PREX1: variants seen among roughly 807,000 people sequenced by gnomAD.
The protein encoded by PREX1 is phosphatidylinositol-3,4,5-trisphosphate dependent Rac exchange factor 1.
Under a neutral mutation model 198.3 loss-of-function variants are expected in PREX1, and 41 were observed. That is an observed-to-expected ratio of 0.21 (90% CI 0.16 to 0.27). PREX1 has a LOEUF of 0.27. Among genes scored for constraint, PREX1 ranks in the 10% least tolerant of loss-of-function variants. The probability of loss-of-function intolerance (pLI) is 1.00; values close to 1 mark genes in which losing one functional copy is unlikely to be tolerated. For missense variants in PREX1, 1,620 were observed against 2,200.7 expected, an observed-to-expected ratio of 0.74 and a Z score of 5.28; for synonymous variants, 843 against 887.2, an observed-to-expected ratio of 0.95 and a Z score of 0.89.
intron 10 of PREX1, among the ~76,000 whole-genome samples, chr20:48,686,031 C>G (rs2089781988): frequency 1.3e-5 from 2 of 152,158 alleles, no homozygotes; most frequent in Non-Finnish European, 2.9e-5. Context: ...AGGCAAAGTA[C>G]AGTGGGAGAC....
At chr20:48,798,756 C>A (rs975802977) in intron 1 of PREX1, among the ~76,000 whole-genome samples, 3 of 152,206 alleles carry the variant, frequency 2.0e-5, no homozygotes, top group African/African-American at 7.2e-5. Flanking sequence ...GCAGTAGGTG[C>A]TCAACAAAAT....
At chr20:48,695,170 C>G (rs2089839060) in intron 7 of PREX1, among the ~76,000 whole-genome samples, 1 of 152,214 alleles carries the variant, frequency 6.6e-6, no homozygotes, top group Non-Finnish European at 1.5e-5. Flanking sequence ...CATCACTGCC[C>G]TCTTCCCCTG....
chr20:48,717,475 C>G (rs564581570), intron 5 of PREX1, among the ~76,000 whole-genome samples: 1 of 146,246 alleles, frequency 6.8e-6, no homozygotes, highest in African/African-American at 2.6e-5. Flanking sequence ...TGAAGAGGTG[C>G]TAAGGATACC....
At chr20:48,768,476 C>A (rs543238703) in intron 1 of PREX1, among the ~76,000 whole-genome samples, 39 of 152,134 alleles carry the variant, frequency 2.6e-4, no homozygotes, top group Non-Finnish European at 5.1e-4. Context: ...CTGGCAAGAC[C>A]CTTCTTTGAT....
At chr20:48,649,780 C>G (rs546371282) in intron 24 of PREX1, among the ~76,000 whole-genome samples, 1 of 152,346 alleles carries the variant, frequency 6.6e-6, no homozygotes, top group East Asian at 1.9e-4. Flanking sequence ...TCTTTTCCTG[C>G]CTGCAATGCA....
chr20:48,702,579 G>A (rs2089880996), intron 6 of PREX1, among the ~76,000 whole-genome samples: 1 of 152,228 alleles, frequency 6.6e-6, no homozygotes, highest in African/African-American at 2.4e-5. Flanking sequence ...GAAAGAAAAT[G>A]GCTTTCCTCC....
intron 1 of PREX1, among the ~76,000 whole-genome samples, chr20:48,760,029 T>C (rs1175807037): frequency 6.6e-6 from 1 of 151,914 alleles, no homozygotes; most frequent in Non-Finnish European, 1.5e-5. Context: ...AGAGCATCAC[T>C]TCAGCCTAGG....
chr20:48,715,941 G>T (rs1350251665), intron 5 of PREX1, among the ~76,000 whole-genome samples: 3 of 152,106 alleles, frequency 2.0e-5, no homozygotes, highest in African/African-American at 7.2e-5. Flanking sequence ...CTTGCCCAAG[G>T]CCACAGAGAC....
chr20:48,784,708 G>A (rs1017259703), intron 1 of PREX1, among the ~76,000 whole-genome samples: 16 of 152,140 alleles, frequency 1.1e-4, no homozygotes, highest in Non-Finnish European at 2.2e-4. Flanking sequence ...AAGGCAAGTG[G>A]GCGACTGGGC....
At chr20:48,650,854 G>T (rs368790887) in intron 23 of PREX1, 40 bp downstream of exon 23, 4 of 1,607,928 alleles carry the variant, frequency 2.5e-6, no homozygotes. Flanking sequence ...TGCTATGTCT[G>T]GGACCTGTGG....
intron 18 of PREX1, among the ~76,000 whole-genome samples, chr20:48,656,681 T>A (rs1219368594): frequency 6.6e-6 from 1 of 152,146 alleles, no homozygotes; most frequent in Non-Finnish European, 1.5e-5. Flanking sequence ...CTCTGGCCCC[T>A]TTCCCGGGTT....
rs977502108 is a variant in PREX1 at position 48,624,360 on chromosome 20, C to G, written c.*1525G>C. 7.2e-5 allele frequency: 11 copies of G among 152,688 alleles called. No homozygotes were observed. In the East Asian group the frequency reaches 2.1e-3, roughly 29 times the overall value. The allele number at this position is 152,688 out of a possible 1,614,324, so 9.5% of individuals were successfully genotyped here. A position where few individuals can be genotyped will look rare whatever the true frequency, so the allele number is the denominator to read the frequency against. ...CAGTGCACAATGCGCTGGCCCTGGG[C>G]CCTCCCCCATTTCCCGCAGCAGGGC... On this transcript the variant is annotated 3_prime_UTR_variant, in exon 40 of 40. Transcript: ENST00000371941.
At chr20:48,766,124 T>C (rs989462758) in intron 1 of PREX1, among the ~76,000 whole-genome samples, 3 of 152,166 alleles carry the variant, frequency 2.0e-5, no homozygotes, top group Non-Finnish European at 4.4e-5. Context: ...TTCTACATTA[T>C]GGTGAGTTGC....
chr20:48,647,305 G>A (rs569469401), intron 25 of PREX1, among the ~76,000 whole-genome samples: 5 of 152,076 alleles, frequency 3.3e-5, no homozygotes, highest in East Asian at 1.9e-4. Flanking sequence ...GGTGGGTCAC[G>A]AGATCAAGAG....
chr20:48,654,430 TGG>T (rs1233837335), intron 19 of PREX1, among the ~76,000 whole-genome samples: 1 of 152,250 alleles, frequency 6.6e-6, no homozygotes, highest in Non-Finnish European at 1.5e-5. Flanking sequence ...TAATTCTGTG[TGG>T]TTCTCTGGGG....
rs1568804693 is a variant in PREX1 at position 48,653,336 on chromosome 20, CG to C, written c.2346+24del. ...CCCCCACTCAGCAGGACTTCTTTGA[CG>C]GCCCCGGTTTCCAGTAAACTTACCA... On this transcript the variant is annotated intron_variant, in intron 20 of 39. Transcript: ENST00000371941. 6.9e-6 allele frequency: 11 copies of C among 1,604,912 alleles called. 1 individual carries two copies. In the Middle Eastern group the frequency reaches 1.7e-3, roughly 243 times the overall value.
Position 48,716,475 on chromosome 20 carries a change from T to C in PREX1, c.622-8054A>G, listed in dbSNP as rs112210607. 7.2e-5 allele frequency among the ~76,000 whole-genome samples: 11 copies of C among 152,292 alleles called. 1 individual carries two copies. Among genetic ancestry groups the C allele is most frequent in the African/African-American group, 2.4e-4 (10 of 41,568 alleles). On this transcript the variant is annotated intron_variant, in intron 5 of 39. Coordinates refer to ENST00000371941, the MANE Select transcript of PREX1 (RefSeq NM_020820.4). ...AAACGTGGCTAGAGCCAGCTCCTAC[T>C]GGCTCACTCAGCTTCACCGAAGGCC...
chr20:48,875,090 C>T, the PREX1 span, among the ~76,000 whole-genome samples: 4 of 152,108 alleles, frequency 2.6e-5, no homozygotes, highest in East Asian at 3.9e-4. Flanking sequence ...GGAGAAAGAA[C>T]GTACTCTCAC....
chr20:48,874,607 T>C, the PREX1 span, among the ~76,000 whole-genome samples: 1 of 152,118 alleles, frequency 6.6e-6, no homozygotes, highest in Non-Finnish European at 1.5e-5. Flanking sequence ...CCAGGCATGG[T>C]GGCTCCCACC....
Sources: gnomAD v4.1 joint callset for allele counts (sites outside exome capture counted in the v4.1 genomes callset) on GRCh38, gnomAD v4.1.1 for gene constraint, MANE v1.5 for transcripts, NCBI Gene and HGNC (gene_info 2026-07-23, HGNC 2026-07-21) for gene names.